MYLK: variants seen among roughly 807,000 people sequenced by gnomAD.
The protein encoded by MYLK is myosin light chain kinase, smooth muscle.
MYLK carries 106 observed loss-of-function variants against 203.4 expected under a neutral mutation model. That is an observed-to-expected ratio of 0.52 (90% CI 0.45 to 0.61). The LOEUF is 0.61. Among genes scored for constraint, MYLK ranks in the 20% least tolerant of loss-of-function variants. The probability of loss-of-function intolerance (pLI) is 0.00; values close to 1 mark genes in which losing one functional copy is unlikely to be tolerated. For missense variants in MYLK, 2,072 were observed against 2,442.3 expected (o/e 0.85, Z 3.20); for synonymous variants, 867 against 959.5 (o/e 0.90, Z 1.78).
intron 2 of MYLK, among the ~76,000 whole-genome samples, chr3:123,865,136 A>T (rs1345280022): frequency 1.3e-5 from 2 of 152,154 alleles, no homozygotes; most frequent in Non-Finnish European, 2.9e-5. Context: ...CACAGCTCCT[A>T]TTACATGTAC....
chr3:123,703,952 G>A (rs1239741976), intron 16 of MYLK, among the ~76,000 whole-genome samples: 1 of 152,254 alleles, frequency 6.6e-6, no homozygotes, highest in Non-Finnish European at 1.5e-5. Flanking sequence ...AGGCTTTGGT[G>A]GTGGACAGCC....
At chr3:123,787,733 G>T (rs1006281579) in intron 4 of MYLK, among the ~76,000 whole-genome samples, 1 of 152,174 alleles carries the variant, frequency 6.6e-6, no homozygotes, top group African/African-American at 2.4e-5. Flanking sequence ...AAGCTGCCTT[G>T]CCAGGAGGAT....
chr3:123,761,485 C>G (rs1346574883), intron 4 of MYLK, among the ~76,000 whole-genome samples: 2 of 152,140 alleles, frequency 1.3e-5, no homozygotes, highest in African/African-American at 2.4e-5. Flanking sequence ...TTTTATGCCA[C>G]CTGTATCCAT....
In MYLK at chr3:123,707,070, C is replaced by T. The variant is rs3180214; in HGVS notation, c.2390+684G>A. 5.2e-3 allele frequency among the ~76,000 whole-genome samples: 799 copies of T among 152,276 alleles called. 9 individuals carry two copies. The highest frequency in any genetic ancestry group is 0.018 in the African/African-American group (751 of 41,560). The stretch of plus-strand genomic sequence containing the variant: ...CAAGCTCTGACCTGGGCTCCCTCTT[C>T]GATCACTAGCTCTGGGGAAGCCAGC... On this transcript the variant is annotated intron_variant, in intron 16 of 33. Transcript: ENST00000360304.
chr3:123,691,648 T>C (rs781641307), intron 19 of MYLK: 6 of 152,240 alleles, frequency 3.9e-5, no homozygotes, highest in Non-Finnish European at 7.3e-5. Flanking sequence ...TGGTGTGGAA[T>C]GGCAGTGAGA....
chr3:123,633,750 G>T (rs2058528401), intron 29 of MYLK, among the ~76,000 whole-genome samples: 1 of 152,206 alleles, frequency 6.6e-6, no homozygotes. Context: ...CAGGGAATCT[G>T]ATGTGGAAGC....
chr3:123,653,986 TTGTGTGTGTGTGTGTGTGTG>T (rs752791805), intron 24 of MYLK, among the ~76,000 whole-genome samples: 1 of 137,650 alleles, frequency 7.3e-6, no homozygotes, highest in Non-Finnish European at 1.6e-5. Context: ...CAGAGGGATG[TTGTGTGTGTGTGTGTGTGTG>T]TGTGTGTGTG....
chr3:123,695,281 T>C (rs1047485764), intron 18 of MYLK, among the ~76,000 whole-genome samples: 2 of 152,198 alleles, frequency 1.3e-5, no homozygotes, highest in African/African-American at 4.8e-5. Flanking sequence ...ACCTCTTCTG[T>C]GCTCCCAACT....
At chr3:123,878,005 G>A (rs1278523426) in intron 1 of MYLK, among the ~76,000 whole-genome samples, 1 of 152,194 alleles carries the variant, frequency 6.6e-6, no homozygotes, top group Admixed American at 6.5e-5. Context: ...TTCTCATGGA[G>A]TGGCACACAG....
intron 3 of MYLK, among the ~76,000 whole-genome samples, chr3:123,816,309 C>T: frequency 6.6e-6 from 1 of 152,252 alleles, no homozygotes; most frequent in South Asian, 2.1e-4. Context: ...CAGCAAAGTT[C>T]TTGGACCTCT....
At position 123,701,471 on chromosome 3, in the gene MYLK, A is replaced by T. The variant is rs1553805024; in HGVS notation, c.2429T>A (p.Met810Lys). 2.5e-6 allele frequency: 4 copies of T among 1,614,102 alleles called. No individual in the cohort carries two copies. Among genetic ancestry groups the T allele is most frequent in the Admixed American group, 1.7e-5 (1 of 60,022 alleles). Residue 810 changes from methionine (M) to lysine (K), a missense_variant, in exon 17 of 34, where the codon ATG becomes AAG. Around this residue, in one of 3 missense-constraint regions of MYLK, gnomAD observed 865 missense variants for 1,016.0 expected, o/e 0.85. Transcript: ENST00000360304. The part of the protein sequence containing the change: ...VGECSCQVSL[M>K]LQNSSARALP... The stretch of plus-strand genomic sequence containing the variant: ...GGCTCTGGCAGAGCTGTTCTGTAGC[A>T]TCAGTGACACCTGGCAACTGCATTC...
At chr3:123,737,126 G>A (rs1260507139) in intron 8 of MYLK, 1 of 495,210 alleles carries the variant, frequency 2.0e-6, no homozygotes, top group Admixed American at 3.3e-5. Context: ...GGCTGAGGCA[G>A]GAGAATCGCT....
At chr3:123,712,794 T>C (rs1265504975) in intron 13 of MYLK, among the ~76,000 whole-genome samples, 2 of 152,168 alleles carry the variant, frequency 1.3e-5, no homozygotes, top group African/African-American at 2.4e-5. Context: ...CACAGGACTT[T>C]GGGTAGTTTT....
chr3:123,791,478 A>T (rs2064780236), intron 4 of MYLK, among the ~76,000 whole-genome samples: 1 of 152,236 alleles, frequency 6.6e-6, no homozygotes, highest in Non-Finnish European at 1.5e-5. Flanking sequence ...CACTTGCAGC[A>T]TGCTAGCTTC....
chr3:123,769,598 TCC>T (rs2063811396), intron 4 of MYLK, among the ~76,000 whole-genome samples: 1 of 152,200 alleles, frequency 6.6e-6, no homozygotes, highest in Admixed American at 6.5e-5. Context: ...TTTGTTGATT[TCC>T]CAAACTAAGT....
chr3:123,751,026 G>A (rs1327019907), intron 5 of MYLK, among the ~76,000 whole-genome samples: 1 of 152,186 alleles, frequency 6.6e-6, no homozygotes, highest in South Asian at 2.1e-4. Context: ...GGTGCACCTC[G>A]CCCCCTTCTG....
At chr3:123,809,029 G>A (rs2065465407) in intron 3 of MYLK, among the ~76,000 whole-genome samples, 1 of 152,124 alleles carries the variant, frequency 6.6e-6, no homozygotes. Context: ...GAGTTCAAAG[G>A]TCCTGGTGTC....
chr3:123,851,620 C>T (rs2030814605), intron 2 of MYLK, among the ~76,000 whole-genome samples: 1 of 152,198 alleles, frequency 6.6e-6, no homozygotes, highest in Non-Finnish European at 1.5e-5. Flanking sequence ...GCTAAAGTTG[C>T]TTATCAGCTT....
In MYLK at chr3:123,625,762, G is replaced by A. The variant is rs549079327; in HGVS notation, c.5238+1056C>T. Among the ~76,000 whole-genome samples, 6 of 150,390 alleles carry A rather than the reference G, an allele frequency of 4.0e-5. No individual in the cohort carries two copies. The East Asian group carries it at 7.9e-4, about 20-fold the overall frequency. On this transcript the variant is annotated intron_variant, in intron 31 of 33. Coordinates refer to ENST00000360304, the MANE Select transcript of MYLK (RefSeq NM_053025.4). ...GTGGAGCTTGCAGTGAGCCGAGATC[G>A]TGCCACTGTACTCCAGCCTGGGCAA...
Sources: gnomAD v4.1 joint callset for allele counts (sites outside exome capture counted in the v4.1 genomes callset) on GRCh38, gnomAD v4.1.1 for gene constraint, gnomAD v4.1.1 regional missense constraint, MANE v1.5 for transcripts, NCBI Gene and HGNC (gene_info 2026-07-23, HGNC 2026-07-21) for gene names.